Variants in LMBR1 observed in about 807,000 individuals in gnomAD.
LMBR1 encodes the protein limb development membrane protein 1, also known as limb region 1 protein homolog.
In LMBR1, 52 loss-of-function variants were observed where a neutral mutation model predicts 73.9. The observed-to-expected ratio is 0.70, with a 90% CI of 0.56 to 0.89. LMBR1 has a LOEUF of 0.89. Among genes scored for constraint, LMBR1 ranks in the 40% least tolerant of loss-of-function variants. The pLI, the probability that LMBR1 is intolerant of heterozygous loss-of-function variation, is 0.00. For synonymous variants in LMBR1, 215 were observed against 209.4 expected (o/e 1.03, Z -0.23); for missense variants, 539 against 579.8 (o/e 0.93, Z 0.72).
chr7:156,748,985 T>C (rs1251414040), intron 9 of LMBR1, among the ~76,000 whole-genome samples: 4 of 152,202 alleles, frequency 2.6e-5, no homozygotes, highest in Non-Finnish European at 5.9e-5. Context: ...TTGTCATAAA[T>C]TGTGAATAAC....
chr7:156,861,245 G>A (rs1237666075), intron 1 of LMBR1, among the ~76,000 whole-genome samples: 2 of 152,184 alleles, frequency 1.3e-5, no homozygotes, highest in Non-Finnish European at 2.9e-5. Context: ...TGCACCCGCA[G>A]GCTAAACACC....
intron 15 of LMBR1, among the ~76,000 whole-genome samples, chr7:156,723,412 A>G (rs1186066546): frequency 6.6e-6 from 1 of 152,184 alleles, no homozygotes; most frequent in African/African-American, 2.4e-5. Context: ...CTAGAGAATT[A>G]GATAGAAATG....
At chr7:156,794,792 A>T (rs1427707984) in intron 5 of LMBR1, among the ~76,000 whole-genome samples, 2 of 152,184 alleles carry the variant, frequency 1.3e-5, no homozygotes, top group African/African-American at 2.4e-5. Context: ...AATGTCACAG[A>T]GTCAGGTGCA....
At position 156,802,983 on chromosome 7, in the gene LMBR1, T is replaced by C. The variant is rs145800966; in HGVS notation, c.320-6491A>G. Among the ~76,000 whole-genome samples, 1,169 of 152,164 alleles carry C rather than the reference T, an allele frequency of 7.7e-3. 12 individuals are homozygous for C. Among genetic ancestry groups the C allele is most frequent in the African/African-American group, 0.027 (1,108 of 41,458 alleles). ...CTGAAACTGGATCCCTTCCTTACAC[T>C]TTATACAAAAATTAATTCAAGATGG... On this transcript the variant is annotated intron_variant, in intron 4 of 16. Coordinates refer to ENST00000353442, the MANE Select transcript of LMBR1 (RefSeq NM_022458.4).
chr7:156,821,165 T>C (rs147977829), intron 4 of LMBR1, among the ~76,000 whole-genome samples: 3 of 152,292 alleles, frequency 2.0e-5, no homozygotes, highest in Non-Finnish European at 4.4e-5. Context: ...CATTCCATCA[T>C]CAAATGGAAG....
At chr7:156,850,318 A>T (rs1455889755) in intron 1 of LMBR1, among the ~76,000 whole-genome samples, 1 of 152,190 alleles carries the variant, frequency 6.6e-6, no homozygotes, top group Non-Finnish European at 1.5e-5. Context: ...AGCCTCCAGA[A>T]TCATACACCA....
At chr7:156,708,575 G>A (rs1811454186) in intron 15 of LMBR1, among the ~76,000 whole-genome samples, 1 of 152,056 alleles carries the variant, frequency 6.6e-6, no homozygotes, top group Admixed American at 6.6e-5. Context: ...AATTAGGGTG[G>A]GGTTACAGGA....
intron 16 of LMBR1, among the ~76,000 whole-genome samples, chr7:156,684,561 A>G (rs926529820): frequency 5.3e-5 from 8 of 152,188 alleles, no homozygotes; most frequent in African/African-American, 1.7e-4. Context: ...CGTTGTCCCA[A>G]CCCGGCTAAT....
At chr7:156,853,176 G>C (rs1362498344) in intron 1 of LMBR1, among the ~76,000 whole-genome samples, 1 of 151,754 alleles carries the variant, frequency 6.6e-6, no homozygotes, top group African/African-American at 2.4e-5. Flanking sequence ...CTGACCTCAT[G>C]ATCTGCCCGC....
At chr7:156,716,131 T>C (rs944661741) in intron 15 of LMBR1, among the ~76,000 whole-genome samples, 11 of 152,168 alleles carry the variant, frequency 7.2e-5, no homozygotes, top group Non-Finnish European at 2.9e-5. Flanking sequence ...TAAAGTTTCA[T>C]GAGAAAGTCA....
chr7:156,675,680 C>T (rs371776822), downstream of LMBR1: 66 of 1,599,072 alleles, frequency 4.1e-5, 1 homozygote, highest in African/African-American at 8.2e-4. Context: ...CTTACCCGCC[C>T]CCGCCTCCTC....
At chr7:156,844,888 G>A (rs951893188) in intron 1 of LMBR1, among the ~76,000 whole-genome samples, 3 of 152,160 alleles carry the variant, frequency 2.0e-5, no homozygotes, top group African/African-American at 7.2e-5. Flanking sequence ...TAACTGAATA[G>A]TACCTTTAAT....
rs553506250 is a variant in LMBR1 at position 156,864,759 on chromosome 7, G to A, written c.67-27874C>T. Among the ~76,000 whole-genome samples, 322 of 152,214 alleles carry A rather than the reference G, an allele frequency of 2.1e-3. 3 individuals are homozygous for A. The highest frequency in any genetic ancestry group is 6.7e-3 in the African/African-American group (278 of 41,520). On this transcript the variant is annotated intron_variant, in intron 1 of 16. Transcript: ENST00000353442. ...CGCCTGTAATCTCAGCACTTTGGGA[G>A]GCCCGACACGGGTGGATCACGAGGT...
At chr7:156,711,089 T>C (rs1198814820) in intron 15 of LMBR1, among the ~76,000 whole-genome samples, 3 of 152,174 alleles carry the variant, frequency 2.0e-5, no homozygotes, top group Admixed American at 6.5e-5. Context: ...GGTGGGCAGA[T>C]CACAAGGTCA....
intron 15 of LMBR1, among the ~76,000 whole-genome samples, chr7:156,700,372 TCACTCACCTC>T (rs1809378366): frequency 6.8e-6 from 1 of 146,330 alleles, no homozygotes. Flanking sequence ...AATGGGAACA[TCACTCACCTC>T]GGACTGTTGT....
chr7:156,855,671 A>G (rs1188523454), intron 1 of LMBR1, among the ~76,000 whole-genome samples: 3 of 150,494 alleles, frequency 2.0e-5, no homozygotes, highest in Non-Finnish European at 4.4e-5. Context: ...AAATACAAAA[A>G]AAAAAAAAAA....
chr7:156,779,932 G>A (rs2133173253), intron 5 of LMBR1, among the ~76,000 whole-genome samples: 1 of 152,254 alleles, frequency 6.6e-6, no homozygotes, highest in Middle Eastern at 3.4e-3. Context: ...ACAGTCATCA[G>A]GGGAAGATCG....
At chr7:156,880,611 C>G (rs1356761216) in intron 1 of LMBR1, among the ~76,000 whole-genome samples, 1 of 151,966 alleles carries the variant, frequency 6.6e-6, no homozygotes, top group African/African-American at 2.4e-5. Flanking sequence ...TCCATAATAC[C>G]CAAGCAATTT....
At chr7:156,833,572 A>G in intron 3 of LMBR1, 181 bp downstream of exon 3, 1 of 546,618 alleles carries the variant, frequency 1.8e-6, no homozygotes, top group Non-Finnish European at 3.1e-6. Flanking sequence ...GCAAATTCCA[A>G]TAGGAGATTG....
Sources: allele counts gnomAD v4.1 joint callset (sites outside exome capture counted in the v4.1 genomes callset), GRCh38; gene constraint gnomAD v4.1.1; transcripts MANE v1.5; gene names NCBI Gene and HGNC (gene_info 2026-07-23, HGNC 2026-07-21).